ABCA13: variants seen among roughly 807,000 people sequenced by gnomAD.
ABCA13 encodes the protein ATP-binding cassette sub-family A member 13.
Under a neutral mutation model 478.7 loss-of-function variants are expected in ABCA13, and 476 were observed. The observed-to-expected ratio is 0.99, with a 90% CI of 0.92 to 1.07. ABCA13 has a LOEUF of 1.07. ABCA13 is among the 50% of genes least tolerant of loss of function. ABCA13 has a pLI of 0.00. For synonymous variants in ABCA13, 2,252 were observed against 2,158.9 expected (o/e 1.04, Z -1.20); for missense variants, 6,060 against 5,910.6 (o/e 1.03, Z -0.83).
rs74984028 is a variant in ABCA13, at chr7:48,471,490, A to T, written c.12906-40A>T. The T allele has an allele frequency of 3.0e-3, 4,596 of 1,508,566 alleles. 126 individuals are homozygous for T. The African/African-American group carries it at 0.054, about 18-fold the overall frequency. 93.4% of individuals were successfully genotyped at this position (1,508,566 alleles called of 1,614,324 possible). On this transcript the variant is annotated intron_variant, in intron 44 of 61. Coordinates refer to ENST00000435803, the MANE Select transcript of ABCA13 (RefSeq NM_152701.5). ...TTTATGGAAATACAATGGCTTTGTA[A>T]ATCTAAAAGATCATTCCAATTCTCT...
intron 41 of ABCA13, among the ~76,000 whole-genome samples, chr7:48,417,666 T>C (rs951025241): frequency 1.3e-5 from 2 of 152,174 alleles, no homozygotes; most frequent in African/African-American, 4.8e-5. Context: ...TTTGTTACAA[T>C]TGATGAACCG....
At chr7:48,444,200 C>G (rs771211004) in intron 42 of ABCA13, among the ~76,000 whole-genome samples, 20 of 152,282 alleles carry the variant, frequency 1.3e-4, no homozygotes, top group Non-Finnish European at 2.6e-4. Context: ...TTGCTAAAGA[C>G]AAAGCAGCAT....
At chr7:48,426,326 A>G (rs1045405956) in intron 41 of ABCA13, among the ~76,000 whole-genome samples, 1 of 152,122 alleles carries the variant, frequency 6.6e-6, no homozygotes, top group Non-Finnish European at 1.5e-5. Context: ...CCACGTGCGG[A>G]GATATTGCAT....
At chr7:48,427,195 C>T (rs551930360) in intron 41 of ABCA13, among the ~76,000 whole-genome samples, 2 of 152,292 alleles carry the variant, frequency 1.3e-5, no homozygotes, top group South Asian at 4.1e-4. Flanking sequence ...CTACTTTAGT[C>T]ATAGTATTTG....
rs150333480 is a variant in ABCA13, at chr7:48,534,674, C to T, written c.14354+6329C>T. ...TAGGTTTAGATGCTTAACATAATCCCAAACTTCTTGGAGGCTTTGTTCATT... is the reference window on the plus strand; with the variant it reads ...TAGGTTTAGATGCTTAACATAATCCTAAACTTCTTGGAGGCTTTGTTCATT... On this transcript the variant is annotated intron_variant, in intron 55 of 61. Transcript: ENST00000435803. Among the ~76,000 whole-genome samples the T allele has an allele frequency of 4.4e-3, 665 of 152,246 alleles. 4 individuals carry two copies. Among genetic ancestry groups the T allele is most frequent in the African/African-American group, 0.015 (625 of 41,564 alleles).
In ABCA13 at chr7:48,483,075, G is replaced by A; in HGVS notation, c.13095-1G>A. ...ACTAACACAATGTTCATTGTTAACA[G>A]GCTTGGAGGTTGGTCTTTTGGATTA... On this transcript the variant is annotated splice_acceptor_variant, in intron 46 of 61. Transcript: ENST00000435803. LOFTEE classifies it high-confidence loss of function. The A allele has an allele frequency of 1.2e-6, 2 of 1,609,752 alleles. No individual in the cohort carries two copies. The highest frequency in any genetic ancestry group is 1.7e-4 in the Middle Eastern group (1 of 6,058).
At chr7:48,470,775 C>A (rs1190600197) in intron 44 of ABCA13, among the ~76,000 whole-genome samples, 2 of 152,218 alleles carry the variant, frequency 1.3e-5, no homozygotes, top group African/African-American at 4.8e-5. Flanking sequence ...GCTGCTTCAC[C>A]TCTCTGGACC....
chr7:48,325,448 G>C (rs545911671), intron 27 of ABCA13, among the ~76,000 whole-genome samples: 1 of 152,152 alleles, frequency 6.6e-6, no homozygotes, highest in East Asian at 1.9e-4. Context: ...ATCCCAAGAG[G>C]CTTTTTTTTC....
chr7:48,391,098 A>G (rs984675798), intron 37 of ABCA13, among the ~76,000 whole-genome samples: 2 of 152,228 alleles, frequency 1.3e-5, no homozygotes, highest in African/African-American at 2.4e-5. Context: ...AAAGTCGGTC[A>G]TGTGAGCTTG....
intron 10 of ABCA13, 74 bp from the exon 11 acceptor site, chr7:48,244,502 C>A: frequency 1.3e-6 from 2 of 1,513,358 alleles, no homozygotes; most frequent in Non-Finnish European, 1.8e-6. Flanking sequence ...TTCCTTTGAA[C>A]GGAATTTTTA....
At chr7:48,638,795 A>G (rs1794889389) in intron 59 of ABCA13, among the ~76,000 whole-genome samples, 1 of 152,192 alleles carries the variant, frequency 6.6e-6, no homozygotes, top group Non-Finnish European at 1.5e-5. Flanking sequence ...AGGAATTGGT[A>G]TCCATTCTAG....
At chr7:48,534,483 T>C (rs1012000540) in intron 55 of ABCA13, among the ~76,000 whole-genome samples, 3 of 152,166 alleles carry the variant, frequency 2.0e-5, no homozygotes, top group Non-Finnish European at 4.4e-5. Flanking sequence ...CCTTAAAACG[T>C]AGGTGATGAT....
intron 37 of ABCA13, among the ~76,000 whole-genome samples, chr7:48,390,569 A>G (rs1156531049): frequency 1.3e-5 from 2 of 152,170 alleles, no homozygotes; most frequent in Non-Finnish European, 2.9e-5. Context: ...AAGCACCACA[A>G]ATACAGAACC....
intron 55 of ABCA13, among the ~76,000 whole-genome samples, chr7:48,530,936 G>T (rs1212483645): frequency 6.6e-6 from 1 of 152,164 alleles, no homozygotes; most frequent in East Asian, 1.9e-4. Context: ...CACTCTGTGG[G>T]CTGGCTGTTA....
intron 40 of ABCA13, among the ~76,000 whole-genome samples, chr7:48,410,991 C>CTTTCT (rs1554499628): frequency 4.2e-5 from 4 of 95,638 alleles, no homozygotes; most frequent in Non-Finnish European, 8.9e-5. Flanking sequence ...TTCTTTCTTT[C>CTTTCT]TTTCTTTCTT....
chr7:48,368,354 G>T (rs1477666052), intron 32 of ABCA13, among the ~76,000 whole-genome samples: 1 of 151,866 alleles, frequency 6.6e-6, no homozygotes, highest in African/African-American at 2.4e-5. Flanking sequence ...GGTGGTGTTT[G>T]GTTACATGAA....
intron 59 of ABCA13, among the ~76,000 whole-genome samples, chr7:48,637,518 T>C (rs1008252887): frequency 7.9e-5 from 12 of 151,828 alleles, no homozygotes; most frequent in Non-Finnish European, 1.6e-4. Flanking sequence ...AAAAAAAATC[T>C]TTTGTTTATC....
chr7:48,380,284 G>A (rs545272990), intron 35 of ABCA13, among the ~76,000 whole-genome samples: 1 of 152,258 alleles, frequency 6.6e-6, no homozygotes, highest in Non-Finnish European at 1.5e-5. Flanking sequence ...CTGGTTTTAA[G>A]TTTGTTAAAA....
intron 42 of ABCA13, among the ~76,000 whole-genome samples, chr7:48,445,651 C>T: frequency 6.6e-6 from 1 of 152,148 alleles, no homozygotes; most frequent in East Asian, 1.9e-4. Context: ...AGTTACTTCC[C>T]TCCTGATAAA....
Sources: gnomAD v4.1 joint callset for allele counts (sites outside exome capture counted in the v4.1 genomes callset) on GRCh38, gnomAD v4.1.1 for gene constraint, MANE v1.5 for transcripts, NCBI Gene and HGNC (gene_info 2026-07-23, HGNC 2026-07-21) for gene names.